Variants in GABBR2 observed in about 807,000 individuals in gnomAD.
GABBR2 encodes the protein G-protein coupled receptor 51.
Under a neutral mutation model 105.6 loss-of-function variants are expected in GABBR2, and 23 were observed. The observed-to-expected ratio is 0.22, with a 90% CI of 0.16 to 0.31. The LOEUF (loss-of-function observed/expected upper bound fraction) is 0.31, where lower values mean the gene tolerates loss of function less well. Among genes scored for constraint, GABBR2 ranks in the 10% least tolerant of loss-of-function variants. The pLI is 1.00. For missense variants in GABBR2, 734 were observed against 1,245.5 expected, an observed-to-expected ratio of 0.59 and a Z score of 6.18; for synonymous variants, 478 against 499.7, an observed-to-expected ratio of 0.96 and a Z score of 0.58.
chr9:98,707,050 C>A (rs1165413184), intron 1 of GABBR2, among the ~76,000 whole-genome samples: 2 of 152,220 alleles, frequency 1.3e-5, no homozygotes, highest in East Asian at 1.9e-4. Context: ...CAACTGCCAC[C>A]GGTTCCTTCA....
intron 1 of GABBR2, among the ~76,000 whole-genome samples, chr9:98,615,912 C>A (rs972389073): frequency 1.3e-5 from 2 of 152,220 alleles, no homozygotes; most frequent in African/African-American, 4.8e-5. Context: ...ACTAGGTGAG[C>A]TTGTGCAAGT....
chr9:98,465,230 T>C (rs950217620), intron 6 of GABBR2, among the ~76,000 whole-genome samples: 5 of 144,736 alleles, frequency 3.5e-5, no homozygotes, highest in South Asian at 2.2e-4. Context: ...GAACCAAATA[T>C]ATAAAGTCAT....
chr9:98,624,583 C>T (rs74439496), intron 1 of GABBR2, among the ~76,000 whole-genome samples: 2 of 151,946 alleles, frequency 1.3e-5, no homozygotes, highest in Admixed American at 1.3e-4. Flanking sequence ...AAGAGAGTCT[C>T]TCGGGAAGAG....
chr9:98,572,896 C>T (rs549078147), intron 2 of GABBR2, among the ~76,000 whole-genome samples: 5 of 152,312 alleles, frequency 3.3e-5, no homozygotes, highest in South Asian at 2.1e-4. Context: ...CAGTTGCAGC[C>T]GTTGATCCAG....
At chr9:98,588,920 A>G (rs112497706) in intron 1 of GABBR2, among the ~76,000 whole-genome samples, 3,320 of 152,276 alleles carry the variant, frequency 0.022, 52 homozygotes, top group Non-Finnish European at 0.028. Context: ...AACCCCCCAG[A>G]TCCCAAATCC....
intron 1 of GABBR2, among the ~76,000 whole-genome samples, chr9:98,639,809 AAAT>A: frequency 6.6e-6 from 1 of 151,904 alleles, no homozygotes; most frequent in South Asian, 2.1e-4. Flanking sequence ...GTCTCATTAA[AAAT>A]AGCCTTATCT....
intron 7 of GABBR2, among the ~76,000 whole-genome samples, chr9:98,421,323 C>G (rs1308644427): frequency 2.0e-5 from 3 of 148,518 alleles, no homozygotes; most frequent in African/African-American, 7.9e-5. Context: ...CGACGAGGAA[C>G]AGGAAACAAT....
chr9:98,501,223 A>G (rs1020264972), intron 3 of GABBR2, among the ~76,000 whole-genome samples: 5 of 146,734 alleles, frequency 3.4e-5, no homozygotes, highest in African/African-American at 1.3e-4. Context: ...GGAATGCAGC[A>G]GCATGATCTG....
intron 1 of GABBR2, among the ~76,000 whole-genome samples, chr9:98,655,106 G>T (rs535065406): frequency 6.6e-6 from 1 of 152,150 alleles, no homozygotes; most frequent in Non-Finnish European, 1.5e-5. Context: ...GAGCACAGGG[G>T]ACTTTTAGGG....
At chr9:98,546,803 TGTTTCCTTTTGTTCCCGCTG>T (rs1035221795) in intron 2 of GABBR2, among the ~76,000 whole-genome samples, 1 of 57,536 alleles carries the variant, frequency 1.7e-5, no homozygotes, top group African/African-American at 4.0e-5. Flanking sequence ...TCCCTTTTTT[TGTTTCCTTTTGTTCCCGCTG>T]GTTTTCAACT....
chr9:98,585,626 A>G (rs183657080), intron 1 of GABBR2, among the ~76,000 whole-genome samples: 425 of 127,596 alleles, frequency 3.3e-3, no homozygotes, highest in African/African-American at 9.5e-3. Context: ...ATGTACCCTA[A>G]AACTTAAAGT....
At chr9:98,325,283 CTTTTTTTTTTTTTTTT>C (rs886288539) in intron 13 of GABBR2, among the ~76,000 whole-genome samples, 1 of 67,618 alleles carries the variant, frequency 1.5e-5, no homozygotes, top group Non-Finnish European at 2.7e-5. Flanking sequence ...GACAGCAATT[CTTTTTTTTTTTTTTTT>C]TTTTTTTTTT....
intron 6 of GABBR2, among the ~76,000 whole-genome samples, chr9:98,467,335 T>C (rs1245829142): frequency 6.6e-6 from 1 of 152,210 alleles, no homozygotes; most frequent in Non-Finnish European, 1.5e-5. Context: ...GTCTAGCCAG[T>C]GGCCCCTCCA....
chr9:98,294,741 G>A (rs988422927), intron 17 of GABBR2, among the ~76,000 whole-genome samples: 5 of 152,186 alleles, frequency 3.3e-5, no homozygotes, highest in African/African-American at 1.2e-4. Flanking sequence ...GTCTCCCAAA[G>A]TGCTAGGATT....
At chr9:98,581,319 C>A (rs1026061528) in intron 1 of GABBR2, 2 of 152,244 alleles carry the variant, frequency 1.3e-5, no homozygotes, top group African/African-American at 4.8e-5. Context: ...CAGTGAGTGA[C>A]AAGGATGAGG....
At chr9:98,640,971 C>G (rs1242079074) in intron 1 of GABBR2, among the ~76,000 whole-genome samples, 1 of 152,130 alleles carries the variant, frequency 6.6e-6, no homozygotes, top group Admixed American at 6.5e-5. Context: ...TAAGATCTGC[C>G]TCCTCAGTGA....
chr9:98,319,158 TA>T (rs1038813164), intron 13 of GABBR2, among the ~76,000 whole-genome samples: 1 of 152,118 alleles, frequency 6.6e-6, no homozygotes, highest in African/African-American at 2.4e-5. Flanking sequence ...CTCTGAGCCA[TA>T]ACTTCCTCAT....
At chr9:98,528,943 C>G (rs1828013239) in intron 3 of GABBR2, among the ~76,000 whole-genome samples, 1 of 151,216 alleles carries the variant, frequency 6.6e-6, no homozygotes, top group South Asian at 2.1e-4. Context: ...GATGTTCCCA[C>G]AAAAGTACAA....
chr9:98,306,129 C>G lies in GABBR2; in HGVS notation c.2221G>C (p.Val741Leu), dbSNP rs370955037. The part of the protein sequence containing the change: ...CSTITLCLVF[V>L]PKLITLRTNP... The stretch of plus-strand genomic sequence containing the variant: ...GGGGCCAGCGCCTGTACCTTCGGCA[C>G]GAATACCAGGCAGAGGGTGATGGTG... Residue 741 changes from valine (V) to leucine (L), a missense_variant, in exon 15 of 19, where the codon GTG becomes CTG. Val to Leu is a conservative substitution (Grantham distance 32). This residue lies in a region of GABBR2 where 91 missense variants were observed against 185.9 expected (regional missense o/e 0.49). Transcript: ENST00000259455. The surrounding 1 kb of genome is among the most constrained non-coding windows in gnomAD (Gnocchi z 5.4). The G allele has an allele frequency of 6.2e-7, 1 of 1,613,064 alleles. No individual in the cohort carries two copies. Among genetic ancestry groups the G allele is most frequent in the African/African-American group, 1.3e-5 (1 of 74,890 alleles).
Sources: allele counts gnomAD v4.1 joint callset (sites outside exome capture counted in the v4.1 genomes callset), GRCh38; gene constraint gnomAD v4.1.1; regional missense constraint gnomAD v4.1.1; non-coding constraint Gnocchi (gnomAD v3.1); transcripts MANE v1.5; gene names NCBI Gene and HGNC (gene_info 2026-07-23, HGNC 2026-07-21).